Variants in BLK observed in about 807,000 individuals in gnomAD.
BLK encodes tyrosine-protein kinase Blk.
BLK carries 64 observed loss-of-function variants against 61.8 expected under a neutral mutation model. The observed-to-expected ratio is 1.03, with a 90% CI of 0.85 to 1.27. The LOEUF (loss-of-function observed/expected upper bound fraction) is 1.27. BLK is among the 50% of genes most tolerant of loss of function. BLK has a pLI of 0.00. For missense variants in BLK, 853 were observed against 660.5 expected, an observed-to-expected ratio of 1.29 and a Z score of -3.19; for synonymous variants, 351 against 272.0, an observed-to-expected ratio of 1.29 and a Z score of -2.86.
chr8:11,540,213 G>T (rs1409420064), intron 1 of BLK, among the ~76,000 whole-genome samples: 1 of 151,766 alleles, frequency 6.6e-6, no homozygotes. Context: ...TTAATATCAT[G>T]TGAGGTAGGG....
chr8:11,562,946 G>A lies in BLK; in HGVS notation c.1181-33G>A, dbSNP rs201388113. ...ATGGAGGGTAGGGGCCACCGGCCGTGGCCTCCCAAAGCTTGCATGGCTTTT... is the reference window on the plus strand; with the variant it reads ...ATGGAGGGTAGGGGCCACCGGCCGTAGCCTCCCAAAGCTTGCATGGCTTTT... On this transcript the variant is annotated intron_variant, in intron 11 of 12. Transcript: ENST00000259089. 152 of 1,613,486 alleles carry A rather than the reference G, an allele frequency of 9.4e-5. No homozygotes were observed. In the East Asian group the frequency reaches 1.9e-3, roughly 20 times the overall value.
chr8:11,507,224 C>T (rs28411038), intron 1 of BLK, among the ~76,000 whole-genome samples: 3,641 of 152,272 alleles, frequency 0.024, 146 homozygotes, highest in African/African-American at 0.084. Context: ...GAAACTGAAG[C>T]GGGCTAGGGA....
chr8:11,534,308 A>G (rs1164055655), intron 1 of BLK, among the ~76,000 whole-genome samples: 4 of 152,248 alleles, frequency 2.6e-5, no homozygotes, highest in Admixed American at 2.0e-4. Flanking sequence ...TACAAGACAC[A>G]ACTGTAGTTG....
intron 1 of BLK, among the ~76,000 whole-genome samples, chr8:11,542,781 C>T (rs947835036): frequency 6.6e-6 from 1 of 152,168 alleles, no homozygotes; most frequent in Non-Finnish European, 1.5e-5. Flanking sequence ...TAACAAAGCC[C>T]CTGCTGTTTA....
intron 6 of BLK, among the ~76,000 whole-genome samples, 197 bp from the exon 7 acceptor site, chr8:11,554,546 T>A (rs1310120437): frequency 6.6e-6 from 1 of 151,958 alleles, no homozygotes; most frequent in African/African-American, 2.4e-5. Flanking sequence ...AAGGTCAGAG[T>A]CAGATGGAAC....
At chr8:11,531,949 C>T (rs996146575) in intron 1 of BLK, among the ~76,000 whole-genome samples, 2 of 152,084 alleles carry the variant, frequency 1.3e-5, no homozygotes, top group Non-Finnish European at 2.9e-5. Flanking sequence ...ACCACAGCCT[C>T]TCGAGTTCAA....
At position 11,548,468 on chromosome 8, in the gene BLK, T is replaced by C. The variant is rs937279666; in HGVS notation, c.269+343T>C. Among the ~76,000 whole-genome samples, 16 of 152,202 alleles carry C rather than the reference T, an allele frequency of 1.1e-4. No homozygotes were observed. The East Asian group carries it at 1.9e-3, about 18-fold the overall frequency. ...GTGAAAGCCTTGCATTTAAGCCAGT[T>C]GTGTCCATATTTGTCTCCTTTTCAA... On this transcript the variant is annotated intron_variant, in intron 4 of 12. Coordinates refer to ENST00000259089, the MANE Select transcript of BLK (RefSeq NM_001715.3).
intron 1 of BLK, among the ~76,000 whole-genome samples, chr8:11,508,105 G>A (rs1798852860): frequency 6.6e-6 from 1 of 152,342 alleles, no homozygotes; most frequent in Non-Finnish European, 1.5e-5. Context: ...CTGGCCCAGG[G>A]CTGGGAAGGA....
rs542218007 is a variant in BLK, at chr8:11,495,816, A to G, written c.-2+1225A>G. On this transcript the variant is annotated intron_variant, in intron 1 of 12. Transcript: ENST00000259089. ...CCTGGGGTCTCGCTAATATTGTGGT[A>G]ACAATTACTGCTTAGTTCTGGCAAA... 1.5e-4 allele frequency among the ~76,000 whole-genome samples: 23 copies of G among 152,288 alleles called. 1 individual carries two copies. Among genetic ancestry groups the G allele is most frequent in the African/African-American group, 5.5e-4 (23 of 41,554 alleles).
chr8:11,545,045 G>A (rs971389361), intron 2 of BLK, among the ~76,000 whole-genome samples: 6 of 152,068 alleles, frequency 3.9e-5, no homozygotes, highest in Non-Finnish European at 7.4e-5. Context: ...ACCCCTAAAC[G>A]ATATTTAGTT....
intron 1 of BLK, among the ~76,000 whole-genome samples, chr8:11,517,045 GT>G (rs1799258279): frequency 6.6e-6 from 1 of 152,262 alleles, no homozygotes; most frequent in Admixed American, 6.5e-5. Context: ...ACACTGGGGA[GT>G]TCTGAGTAGG....
intron 8 of BLK, 36 bp downstream of exon 8, chr8:11,555,520 C>G (rs1021619836): frequency 1.9e-6 from 3 of 1,613,706 alleles, no homozygotes; most frequent in African/African-American, 2.7e-5. Flanking sequence ...TTTCTCCCCC[C>G]ATTCCACCTG....
rs1799452877 is a variant in BLK at position 11,521,648 on chromosome 8, G to T, written c.-1-21576G>T. On this transcript the variant is annotated intron_variant, in intron 1 of 12. Coordinates refer to ENST00000259089, the MANE Select transcript of BLK (RefSeq NM_001715.3). The stretch of plus-strand genomic sequence containing the variant: ...TAGTCAAGAATGGTTGAGCAGTAAG[G>T]CCACAGTTTTATGTGAAGAAAAAAG... 3.9e-5 allele frequency among the ~76,000 whole-genome samples: 6 copies of T among 152,154 alleles called. No homozygotes were observed. In the South Asian group the frequency reaches 1.0e-3, roughly 26 times the overall value.
intron 1 of BLK, among the ~76,000 whole-genome samples, chr8:11,511,558 C>A (rs76791010): frequency 2.6e-5 from 4 of 152,106 alleles, no homozygotes; most frequent in Non-Finnish European, 4.4e-5. Flanking sequence ...TTTCCTTAAA[C>A]ACAAGTGTGT....
At chr8:11,560,008 C>T (rs1399814147) in intron 10 of BLK, 5 of 364,088 alleles carry the variant, frequency 1.4e-5, no homozygotes, top group South Asian at 4.2e-5. Context: ...GTTATCAGAA[C>T]GAGTACTGTT....
rs1257160330 is a variant in BLK, at chr8:11,559,009, G to T, written c.1029+971G>T. Reference sequence around the variant, plus strand: ...AGGCTGGTTTTGGAAAATGAGTGCTGGTAACCGGCTTCAAACCCCAGGGCA... The same window carrying T: ...AGGCTGGTTTTGGAAAATGAGTGCTTGTAACCGGCTTCAAACCCCAGGGCA... On this transcript the variant is annotated intron_variant, in intron 10 of 12. Transcript: ENST00000259089. The T allele has an allele frequency of 8.8e-6, 4 of 456,270 alleles. No homozygotes were observed. In the Admixed American group the frequency reaches 9.4e-5, roughly 11 times the overall value. The allele number at this position is 456,270 out of a possible 1,614,324, so 28.3% of individuals were successfully genotyped here.
intron 1 of BLK, chr8:11,509,853 C>G (rs1798928789): frequency 6.6e-6 from 1 of 152,208 alleles, no homozygotes; most frequent in Non-Finnish European, 1.5e-5. Flanking sequence ...TTTGATTTAT[C>G]TGATGCGCAG....
At chr8:11,546,231 G>C (rs1446447394) in intron 3 of BLK, 128 bp downstream of exon 3, 26 of 1,133,694 alleles carry the variant, frequency 2.3e-5, no homozygotes, top group Non-Finnish European at 3.2e-5. Flanking sequence ...GGGAAGCTGA[G>C]AGAGGCCCCG....
intron 10 of BLK, 138 bp from the exon 11 acceptor site, chr8:11,561,164 C>T: frequency 1.6e-6 from 2 of 1,255,138 alleles, no homozygotes; most frequent in South Asian, 2.6e-5. Context: ...TGAGGAGCAA[C>T]ACAGTCACCT....
Sources: gnomAD v4.1 joint callset for allele counts (sites outside exome capture counted in the v4.1 genomes callset) on GRCh38, gnomAD v4.1.1 for gene constraint, MANE v1.5 for transcripts, NCBI Gene and HGNC (gene_info 2026-07-23, HGNC 2026-07-21) for gene names.